The following LIMCH1 variants were observed in gnomAD, a reference collection of about 807,000 sequenced individuals.
LIMCH1 encodes the protein LIM and calponin homology domains 1.
LIMCH1 carries 113 observed loss-of-function variants against 176.5 expected under a neutral mutation model. The ratio of observed to expected loss-of-function variants is 0.64; its 90% CI spans 0.55 to 0.75. LIMCH1 has a LOEUF of 0.75. Among genes scored for constraint, LIMCH1 ranks in the 30% least tolerant of loss-of-function variants. The pLI, the probability that LIMCH1 is intolerant of heterozygous loss-of-function variation, is 0.00. For synonymous variants in LIMCH1, 619 were observed against 645.9 expected, an observed-to-expected ratio of 0.96 and a Z score of 0.63; for missense variants, 1,674 against 1,814.9, an observed-to-expected ratio of 0.92 and a Z score of 1.41.
At chr4:41,569,545 G>A (rs2083243950) in intron 1 of LIMCH1, among the ~76,000 whole-genome samples, 1 of 152,108 alleles carries the variant, frequency 6.6e-6, no homozygotes, top group African/African-American at 2.4e-5. Context: ...AGGAGGGTCG[G>A]CCCTCAACAG....
Position 41,663,001 on chromosome 4 carries a change from A to T in LIMCH1, c.3291+17A>T. On this transcript the variant is annotated intron_variant, in intron 20 of 31. Coordinates refer to ENST00000503057, the MANE Select transcript of LIMCH1 (RefSeq NM_001330672.2). Reference sequence around the variant, plus strand: ...TCACAAAAGGTGAAGTGCAGAGTGGAGGAAAGCGGTTAAACCCACAAGTTA... The same window carrying T: ...TCACAAAAGGTGAAGTGCAGAGTGGTGGAAAGCGGTTAAACCCACAAGTTA... 6.2e-7 allele frequency: 1 copy of T among 1,609,692 alleles called. No individual in the cohort carries two copies. The highest frequency in any genetic ancestry group is 8.5e-7 in the Non-Finnish European group (1 of 1,176,948).
chr4:41,518,829 C>T lies in LIMCH1; in HGVS notation c.168-5580C>T, dbSNP rs572437490. On this transcript the variant is annotated intron_variant, in intron 2 of 26. Coordinates refer to the LIMCH1 transcript ENST00000313860. ...ACTCCCACTTATAAGTGAGAATATGCGGTGTTTGGTTTTCTCTTCCTAGGT... is the reference window on the plus strand; with the variant it reads ...ACTCCCACTTATAAGTGAGAATATGTGGTGTTTGGTTTTCTCTTCCTAGGT... Among the ~76,000 whole-genome samples, 13 of 152,166 alleles carry T rather than the reference C, an allele frequency of 8.5e-5. No individual in the cohort carries two copies. The South Asian group carries it at 2.1e-3, about 24-fold the overall frequency.
At chr4:41,538,768 C>G (rs2078246005) in intron 1 of LIMCH1, among the ~76,000 whole-genome samples, 1 of 152,234 alleles carries the variant, frequency 6.6e-6, no homozygotes, top group Admixed American at 6.5e-5. Context: ...GGCTGCTTCA[C>G]CTGAGCCCCT....
At chr4:41,636,935 G>A (rs565321377) in intron 13 of LIMCH1, among the ~76,000 whole-genome samples, 2 of 152,232 alleles carry the variant, frequency 1.3e-5, no homozygotes, top group South Asian at 2.1e-4. Context: ...TGTGGTATGT[G>A]CACTTTCTGT....
chr4:41,527,838 A>C (rs56315526), intron 3 of LIMCH1, among the ~76,000 whole-genome samples: 7 of 146,398 alleles, frequency 4.8e-5, no homozygotes, highest in Non-Finnish European at 7.6e-5. Context: ...AAAAAAAAAA[A>C]AAAAAAAAAA....
chr4:41,613,489 T>G lies in LIMCH1; in HGVS notation c.33T>G (p.Pro11=). 1 of 1,614,140 alleles carries G rather than the reference T, an allele frequency of 6.2e-7. No individual in the cohort carries two copies. The highest frequency in any genetic ancestry group is 2.2e-5 in the East Asian group (1 of 44,872). ...AGGACACTGATGACATTGAAAGTCC[T>G]AAACGCAGTATCCGAGACAGTGGCT... MRKDTDDIES[P]KRSIRDSGYI... The change falls in exon 5 of 32, where the codon CCT becomes CCG. Residue 11 remains proline (P), a synonymous_variant. Coordinates refer to ENST00000503057, the MANE Select transcript of LIMCH1 (RefSeq NM_001330672.2).
At chr4:41,501,049 A>G (rs2073179598) in intron 2 of LIMCH1, among the ~76,000 whole-genome samples, 1 of 152,156 alleles carries the variant, frequency 6.6e-6, no homozygotes, top group African/African-American at 2.4e-5. Context: ...GAGATGACAT[A>G]TTTCAGCATG....
At chr4:41,498,605 G>A (rs1444280049) in intron 2 of LIMCH1, among the ~76,000 whole-genome samples, 3 of 152,184 alleles carry the variant, frequency 2.0e-5, no homozygotes, top group Non-Finnish European at 4.4e-5. Context: ...TGTGACAAAT[G>A]TTATGCTGTT....
Position 41,386,762 on chromosome 4 carries a change from A to G in LIMCH1, c.96+25826A>G, listed in dbSNP as rs77960674. 3.0e-3 allele frequency among the ~76,000 whole-genome samples: 455 copies of G among 152,336 alleles called. 5 individuals carry two copies. The highest frequency in any genetic ancestry group is 0.01 in the African/African-American group (429 of 41,584). ...CTGGTCTGTAGCATTTAGGGAAAATATGGATATTTAGCAAAGATGTATCTA... is the reference window on the plus strand; with the variant it reads ...CTGGTCTGTAGCATTTAGGGAAAATGTGGATATTTAGCAAAGATGTATCTA... On this transcript the variant is annotated intron_variant, in intron 1 of 26. Transcript: ENST00000313860.
At chr4:41,663,134 CGTGTGTGT>C (rs60475434) in intron 20 of LIMCH1, 150 bp downstream of exon 20, 8,149 of 404,514 alleles carry the variant, frequency 0.02, 24 homozygotes, top group Non-Finnish European at 0.024. Context: ...TTTTCTTTTT[CGTGTGTGT>C]GTGTGTGTGT....
At chr4:41,601,962 G>A (rs1282568094) in intron 2 of LIMCH1, among the ~76,000 whole-genome samples, 1 of 152,054 alleles carries the variant, frequency 6.6e-6, no homozygotes, top group African/African-American at 2.4e-5. Flanking sequence ...AGCGGAAGCA[G>A]TAAGGTATAG....
intron 17 of LIMCH1, among the ~76,000 whole-genome samples, chr4:41,648,976 G>GTT (rs1201298296): frequency 6.6e-6 from 1 of 152,162 alleles, no homozygotes; most frequent in Non-Finnish European, 1.5e-5. Flanking sequence ...ATGTGTGTGT[G>GTT]TGTGTGCTGA....
At chr4:41,484,120 G>A (rs2069115550) in intron 1 of LIMCH1, among the ~76,000 whole-genome samples, 1 of 152,214 alleles carries the variant, frequency 6.6e-6, no homozygotes, top group South Asian at 2.1e-4. Context: ...ATATGAATGT[G>A]AGCTCTTATC....
At chr4:41,689,720 T>C (rs1723878070) in intron 30 of LIMCH1, 85 bp downstream of exon 30, 1 of 827,394 alleles carries the variant, frequency 1.2e-6, no homozygotes, top group Admixed American at 1.8e-5. Flanking sequence ...CTCTTGGAAA[T>C]TCTGGAGGGC....
At chr4:41,643,479 A>G (rs2093922855) in intron 14 of LIMCH1, among the ~76,000 whole-genome samples, 1 of 152,206 alleles carries the variant, frequency 6.6e-6, no homozygotes, top group Non-Finnish European at 1.5e-5. Flanking sequence ...AAGAAAAATA[A>G]AAGGAGGAGG....
chr4:41,685,466 A>G (rs1320471347), intron 27 of LIMCH1, among the ~76,000 whole-genome samples: 2 of 152,190 alleles, frequency 1.3e-5, no homozygotes, highest in Non-Finnish European at 2.9e-5. Context: ...TCAGTATTTT[A>G]AAGTACTGTT....
chr4:41,637,792 G>A (rs998512737), intron 13 of LIMCH1, among the ~76,000 whole-genome samples: 1 of 152,220 alleles, frequency 6.6e-6, no homozygotes, highest in Non-Finnish European at 1.5e-5. Flanking sequence ...GGGTATGTGT[G>A]TGTACACTCA....
intron 1 of LIMCH1, among the ~76,000 whole-genome samples, chr4:41,388,389 T>C (rs1254855575): frequency 4.6e-5 from 7 of 152,226 alleles, no homozygotes; most frequent in African/African-American, 1.7e-4. Context: ...TGCGAAAGAC[T>C]GTACATTGTG....
chr4:41,444,201 A>G (rs2063007400), intron 1 of LIMCH1, among the ~76,000 whole-genome samples: 1 of 152,054 alleles, frequency 6.6e-6, no homozygotes, highest in African/African-American at 2.4e-5. Flanking sequence ...TATTCTTTGT[A>G]TAAAAATTCT....
Sources: allele counts gnomAD v4.1 joint callset (sites outside exome capture counted in the v4.1 genomes callset), GRCh38; gene constraint gnomAD v4.1.1; transcripts MANE v1.5; gene names NCBI Gene and HGNC (gene_info 2026-07-23, HGNC 2026-07-21).